RBM38: variants seen among roughly 807,000 people sequenced by gnomAD.
RBM38 encodes the protein RNA binding motif protein 38, also known as RNA-binding protein 38.
A neutral mutation model predicts 23.5 loss-of-function variants in RBM38; 11 were observed. That is an observed-to-expected ratio of 0.47 (90% confidence interval 0.29 to 0.77). RBM38 has a LOEUF of 0.77. RBM38 is among the 30% of genes least tolerant of loss of function. The pLI is 0.08. For missense variants in RBM38, 330 were observed against 351.9 expected (o/e 0.94, Z 0.50); for synonymous variants, 165 against 166.1 (o/e 0.99, Z 0.05).
At chr20:57,405,585 T>C (rs1461598210) in intron 3 of RBM38, among the ~76,000 whole-genome samples, 1 of 152,200 alleles carries the variant, frequency 6.6e-6, no homozygotes, top group Non-Finnish European at 1.5e-5. Context: ...GGTGACGCAG[T>C]GTAGAAACTT....
chr20:57,391,723 G>A lies in RBM38; in HGVS notation c.142G>A (p.Ala48Thr), dbSNP rs1472100369. ...CGGCCTGCCGTACCACACTACCGAC[G>A]CCTCGCTCAGGAAGTACTTCGAGGG... is the stretch of plus-strand genomic sequence containing the variant. ...VGGLPYHTTDASLRKYFEGFG... is the reference protein window; with the variant it reads ...VGGLPYHTTDTSLRKYFEGFG... The change falls in exon 1 of 4, where the codon GCC becomes ACC. Residue 48 changes from alanine to threonine, a missense_variant. Around this residue, in one of 3 missense-constraint regions of RBM38, gnomAD observed 95 missense variants for 111.9 expected, o/e 0.85. Coordinates refer to ENST00000356208, the MANE Select transcript of RBM38 (RefSeq NM_017495.6). The A allele has an allele frequency of 1.3e-6, 2 of 1,543,046 alleles. No homozygotes were observed. The highest frequency in any genetic ancestry group is 1.7e-6 in the Non-Finnish European group (2 of 1,143,920).
At chr20:57,396,680 A>AC (rs757472058) in intron 3 of RBM38, among the ~76,000 whole-genome samples, 96 of 152,252 alleles carry the variant, frequency 6.3e-4, no homozygotes, top group Non-Finnish European at 1.3e-3. Flanking sequence ...CCTGGCCTCC[A>AC]CCCCTAGAAG....
rs367675744 is a variant in RBM38, at chr20:57,391,634, T to C, written c.53T>C (p.Leu18Pro). ...CCGAGCGCGGGCTTCCCGCGGCCCC[T>C]GGCCGCCCCCGGCGCCATGCACGGC... ...CAPSAGFPRP[L>P]AAPGAMHGSQ... Residue 18 changes from leucine to proline, a missense_variant, in exon 1 of 4, where the codon CTG becomes CCG. Physicochemically the swap from Leu to Pro is moderately conservative, Grantham distance 98 (BLOSUM62 -3). Coordinates refer to ENST00000356208, the MANE Select transcript of RBM38 (RefSeq NM_017495.6). 2.9e-5 allele frequency: 42 copies of C among 1,459,092 alleles called. No homozygotes were observed. The African/African-American group carries it at 4.6e-4, about 16-fold the overall frequency. The allele number at this position is 1,459,092 out of a possible 1,614,324, so 90.4% of individuals were successfully genotyped here.
Position 57,408,544 on chromosome 20 carries a change from A to AT in RBM38, c.*704dup, listed in dbSNP as rs1568816567. The stretch of plus-strand genomic sequence containing the variant: ...TAAGATAATTTCAGAAGTTCAGTCT[A>AT]TTTTTTCAGCGGATACTGCCGCCAC... On this transcript the variant is annotated 3_prime_UTR_variant, in exon 4 of 4. Coordinates refer to ENST00000356208, the MANE Select transcript of RBM38 (RefSeq NM_017495.6). 1 of 152,278 alleles carries AT rather than the reference A, an allele frequency of 6.6e-6. No individual in the cohort carries two copies. Among genetic ancestry groups the AT allele is most frequent in the African/African-American group, 2.4e-5 (1 of 41,436 alleles). The allele number at this position is 152,278 out of a possible 1,614,324, so 9.4% of individuals were successfully genotyped here. A position where few individuals can be genotyped will look rare whatever the true frequency, so the allele number is the denominator to read the frequency against.
chr20:57,401,101 C>T (rs962328744), intron 3 of RBM38, among the ~76,000 whole-genome samples: 8 of 152,112 alleles, frequency 5.3e-5, no homozygotes, highest in Non-Finnish European at 1.2e-4. Context: ...GTCTGTTTTG[C>T]TCACCAAGGG....
At chr20:57,395,083 A>G (rs328493) in intron 3 of RBM38, among the ~76,000 whole-genome samples, 126,842 of 152,206 alleles carry the variant, frequency 0.83, 53,065 homozygotes, top group East Asian at 0.97. Flanking sequence ...AAAACAGTGC[A>G]CAGGCATGTG....
chr20:57,405,695 G>T (rs1299097260), intron 3 of RBM38, among the ~76,000 whole-genome samples: 1 of 152,184 alleles, frequency 6.6e-6, no homozygotes, highest in African/African-American at 2.4e-5. Flanking sequence ...TCCACTGAGT[G>T]CACCTGCCTT....
chr20:57,399,807 C>A (rs2067309452), intron 3 of RBM38: 1 of 446,950 alleles, frequency 2.2e-6, no homozygotes, highest in Non-Finnish European at 4.5e-6. Context: ...CTTCCCACAC[C>A]CAGCCAGGCG....
chr20:57,401,369 G>C (rs996287964), intron 3 of RBM38, among the ~76,000 whole-genome samples: 1 of 152,212 alleles, frequency 6.6e-6, no homozygotes, highest in African/African-American at 2.4e-5. Flanking sequence ...TGACTTGCTG[G>C]GTGGAGCCGT....
rs1224953654 is a variant in RBM38, at chr20:57,409,148, G to C, written c.*1302G>C. 1 of 152,160 alleles carries C rather than the reference G, an allele frequency of 6.6e-6. No homozygotes were observed. Among genetic ancestry groups the C allele is most frequent in the Non-Finnish European group, 1.5e-5 (1 of 67,980 alleles). The allele number at this position is 152,160 out of a possible 1,614,324, so 9.4% of individuals were successfully genotyped here. On this transcript the variant is annotated 3_prime_UTR_variant, in exon 4 of 4. Transcript: ENST00000356208. ...GGGACATGAGGTGAGAGGTATCCTGGCCGAGGGCGGGGGGCAGCGGGGGGT... is the reference window on the plus strand; with the variant it reads ...GGGACATGAGGTGAGAGGTATCCTGCCCGAGGGCGGGGGGCAGCGGGGGGT...
chr20:57,392,858 C>A, intron 2 of RBM38, 81 bp downstream of exon 2: 7 of 1,541,548 alleles, frequency 4.5e-6, no homozygotes, highest in Non-Finnish European at 6.2e-6. Flanking sequence ...AAGAGGCCCC[C>A]CCTCCTCGCC....
At chr20:57,391,916 G>T in intron 1 of RBM38, 98 bp downstream of exon 1, 1 of 859,640 alleles carries the variant, frequency 1.2e-6, no homozygotes. Context: ...ACGGCCCGCT[G>T]CCGCCCCCGC....
At chr20:57,402,255 A>C (rs888897612) in intron 3 of RBM38, among the ~76,000 whole-genome samples, 1 of 152,188 alleles carries the variant, frequency 6.6e-6, no homozygotes, top group Non-Finnish European at 1.5e-5. Context: ...GACAGCTCCA[A>C]CTGCTGCTGG....
chr20:57,402,616 C>T (rs763127362), intron 3 of RBM38, among the ~76,000 whole-genome samples: 2 of 152,248 alleles, frequency 1.3e-5, no homozygotes, highest in Non-Finnish European at 2.9e-5. Context: ...GGCTGTGGCA[C>T]CTGAGCTTTC....
intron 2 of RBM38, 117 bp from the exon 3 acceptor site, chr20:57,393,162 C>T (rs991510317): frequency 6.0e-5 from 60 of 998,186 alleles, no homozygotes; most frequent in Middle Eastern, 5.0e-4. Context: ...GGAGAGGAAG[C>T]GGATGATCCC....
At position 57,391,570 on chromosome 20, in the gene RBM38, G is replaced by A. The variant is rs2146197061; in HGVS notation, c.-12G>A. On this transcript the variant is annotated 5_prime_UTR_variant, in exon 1 of 4. Transcript: ENST00000356208. Reference sequence around the variant, plus strand: ...CGCGCGGCCCGGGTCCGTAGGCGGCGGGGCGCCCCCCATGCTGCTGCAGCC... The same window carrying A: ...CGCGCGGCCCGGGTCCGTAGGCGGCAGGGCGCCCCCCATGCTGCTGCAGCC... 1 of 1,121,096 alleles carries A rather than the reference G, an allele frequency of 8.9e-7. No individual in the cohort carries two copies. The highest frequency in any genetic ancestry group is 4.6e-5 in the East Asian group (1 of 21,522). The allele number at this position is 1,121,096 out of a possible 1,614,324, so 69.4% of individuals were successfully genotyped here.
chr20:57,405,171 C>T (rs1328257917), intron 3 of RBM38, among the ~76,000 whole-genome samples: 1 of 152,234 alleles, frequency 6.6e-6, no homozygotes. Context: ...CATCACAGCC[C>T]TCTGCTGTCT....
At chr20:57,400,210 T>G (rs565364680) in intron 3 of RBM38, among the ~76,000 whole-genome samples, 152 of 152,294 alleles carry the variant, frequency 1.0e-3, no homozygotes, top group African/African-American at 3.4e-3. Flanking sequence ...GGATCCGGGC[T>G]TGGGGCTCTT....
rs760851249 is a variant in RBM38, at chr20:57,407,708, C to T, written c.582C>T (p.Ala194=). The T allele has an allele frequency of 6.2e-7, 1 of 1,612,116 alleles. No homozygotes were observed. Among genetic ancestry groups the T allele is most frequent in the East Asian group, 2.2e-5 (1 of 44,874 alleles). ...PATYDQYPYA[A]SPATAASFVG... Reference sequence around the variant, plus strand: ...CCTATGACCAGTACCCATACGCCGCCTCGCCTGCCACGGCTGCCAGCTTCG... The same window carrying T: ...CCTATGACCAGTACCCATACGCCGCTTCGCCTGCCACGGCTGCCAGCTTCG... Residue 194 remains alanine, a synonymous_variant, in exon 4 of 4, where the codon GCC becomes GCT. Coordinates refer to ENST00000356208, the MANE Select transcript of RBM38 (RefSeq NM_017495.6). This position sits in a 1 kb window ranked among gnomAD's most constrained non-coding sequence, Gnocchi z 4.0.
Sources: allele counts gnomAD v4.1 joint callset (sites outside exome capture counted in the v4.1 genomes callset), GRCh38; gene constraint gnomAD v4.1.1; regional missense constraint gnomAD v4.1.1; non-coding constraint Gnocchi (gnomAD v3.1); transcripts MANE v1.5; gene names NCBI Gene and HGNC (gene_info 2026-07-23, HGNC 2026-07-21).